Variants in VAT1L observed in about 807,000 individuals in gnomAD.
The protein encoded by VAT1L is vesicle amine transport 1 like, also known as putative NADPH-dependent quinone oxidoreductase VAT1L.
VAT1L carries 34 observed loss-of-function variants against 44.1 expected under a neutral mutation model. That is an observed-to-expected ratio of 0.77 (90% CI 0.59 to 1.03). The LOEUF (loss-of-function observed/expected upper bound fraction) is 1.03. VAT1L is among the 50% of genes least tolerant of loss of function. The pLI, the probability that VAT1L is intolerant of heterozygous loss-of-function variation, is 0.00. For synonymous variants in VAT1L, 253 were observed against 202.2 expected, an observed-to-expected ratio of 1.25 and a Z score of -2.13; for missense variants, 615 against 538.8, an observed-to-expected ratio of 1.14 and a Z score of -1.40.
At chr16:77,893,127 C>A (rs985099267) in intron 7 of VAT1L, among the ~76,000 whole-genome samples, 3 of 151,992 alleles carry the variant, frequency 2.0e-5, no homozygotes, top group African/African-American at 7.3e-5. Context: ...ATAACAACAA[C>A]AAAAAAAGCC....
rs781251007 is a variant in VAT1L, at chr16:77,971,970, C to T, written c.1161+37C>T. On this transcript the variant is annotated intron_variant, in intron 8 of 8. Transcript: ENST00000302536. ...GCAGAGGAGTCTGTTCAGTTCCACG[C>T]GAGAGAGCACCACGGGTCAATCAGA... 8 of 1,587,228 alleles carry T rather than the reference C, an allele frequency of 5.0e-6. No individual in the cohort carries two copies. In the East Asian group the frequency reaches 9.0e-5, roughly 18 times the overall value.
chr16:77,886,316 T>A (rs2017209024), intron 7 of VAT1L, among the ~76,000 whole-genome samples: 1 of 152,172 alleles, frequency 6.6e-6, no homozygotes, highest in South Asian at 2.1e-4. Flanking sequence ...AGGGCTGGGC[T>A]ACCTGGTTAC....
In VAT1L at chr16:77,800,705, G is replaced by T. The variant is rs569108521; in HGVS notation, c.233+11790G>T. ...AAATCAGGCTCCCTGCCTGCGCTGTGGCACATTTTCCCCCCAGTGCAGGTT... is the reference window on the plus strand; with the variant it reads ...AAATCAGGCTCCCTGCCTGCGCTGTTGCACATTTTCCCCCCAGTGCAGGTT... On this transcript the variant is annotated intron_variant, in intron 1 of 8. Transcript: ENST00000302536. 12 of 152,198 alleles carry T rather than the reference G, an allele frequency of 7.9e-5. No homozygotes were observed. The South Asian group carries it at 2.5e-3, about 32-fold the overall frequency. 9.4% of individuals were successfully genotyped at this position (152,198 alleles called of 1,614,324 possible). A position where few individuals can be genotyped will look rare whatever the true frequency, so the allele number is the denominator to read the frequency against.
At chr16:77,857,113 A>C (rs2016866991) in intron 3 of VAT1L, among the ~76,000 whole-genome samples, 1 of 152,220 alleles carries the variant, frequency 6.6e-6, no homozygotes, top group Non-Finnish European at 1.5e-5. Flanking sequence ...TGTGGTGCAG[A>C]ATTCTTACGT....
chr16:77,792,972 G>T (rs149272440), intron 1 of VAT1L, among the ~76,000 whole-genome samples: 1 of 152,058 alleles, frequency 6.6e-6, no homozygotes, highest in African/African-American at 2.4e-5. Flanking sequence ...TTTGGTTGCC[G>T]TATAAACTTT....
Position 77,879,540 on chromosome 16 carries a change from C to T in VAT1L, c.882+316C>T, listed in dbSNP as rs907649617. Among the ~76,000 whole-genome samples the T allele has an allele frequency of 1.5e-4, 23 of 152,244 alleles. No individual in the cohort carries two copies. The highest frequency in any genetic ancestry group is 2.0e-4 in the Admixed American group (3 of 15,290). The stretch of plus-strand genomic sequence containing the variant: ...TGACCTCGTGATCTGCCCGCCTCAG[C>T]CTCCCAAAGTGCTGGGATTACAGGC... On this transcript the variant is annotated intron_variant, in intron 6 of 8. Coordinates refer to ENST00000302536, the MANE Select transcript of VAT1L (RefSeq NM_020927.3). This position sits in a 1 kb window ranked among gnomAD's most constrained non-coding sequence, Gnocchi z 4.1.
chr16:77,862,623 TAAAAAAA>T (rs34096024), intron 3 of VAT1L, 118 bp from the exon 4 acceptor site: 25 of 396,546 alleles, frequency 6.3e-5, no homozygotes, highest in Non-Finnish European at 8.2e-5. Flanking sequence ...ACTCCATCTC[TAAAAAAA>T]AAAAAAAAAA....
At chr16:77,864,421 G>T (rs555498787) in intron 4 of VAT1L, among the ~76,000 whole-genome samples, 12 of 151,748 alleles carry the variant, frequency 7.9e-5, no homozygotes, top group African/African-American at 2.2e-4. Context: ...AGTGAAGCTC[G>T]ATCTCTACCT....
chr16:77,886,667 C>T (rs1466485147), intron 7 of VAT1L, among the ~76,000 whole-genome samples: 2 of 152,162 alleles, frequency 1.3e-5, no homozygotes, highest in African/African-American at 2.4e-5. Flanking sequence ...AGTTTTCATT[C>T]AGAGGAGTAG....
chr16:77,843,555 T>G (rs1380312146), intron 3 of VAT1L, among the ~76,000 whole-genome samples: 1 of 152,166 alleles, frequency 6.6e-6, no homozygotes, highest in Non-Finnish European at 1.5e-5. Context: ...TTTGAGTTGA[T>G]TAGGAGACAC....
chr16:77,942,892 C>T (rs1218577178), intron 7 of VAT1L, among the ~76,000 whole-genome samples: 9 of 141,162 alleles, frequency 6.4e-5, no homozygotes, highest in African/African-American at 1.1e-4. Context: ...TTACAGGCAC[C>T]CACCATCACA....
chr16:77,942,079 C>G (rs1444881806), intron 7 of VAT1L, among the ~76,000 whole-genome samples: 1 of 152,012 alleles, frequency 6.6e-6, no homozygotes, highest in African/African-American at 2.4e-5. Flanking sequence ...TGTATTAGTC[C>G]ATTTTCACAC....
intron 3 of VAT1L, among the ~76,000 whole-genome samples, chr16:77,855,767 C>G (rs866710904): frequency 1.3e-5 from 2 of 152,196 alleles, no homozygotes; most frequent in South Asian, 4.1e-4. Context: ...CTCCTGTAAT[C>G]CCAGCACTTT....
At chr16:77,963,479 G>A (rs2018186645) in intron 7 of VAT1L, among the ~76,000 whole-genome samples, 1 of 152,156 alleles carries the variant, frequency 6.6e-6, no homozygotes, top group Non-Finnish European at 1.5e-5. Context: ...GAGCCTTGAT[G>A]TTAACCCTGT....
At chr16:77,911,953 C>T (rs1403722568) in intron 7 of VAT1L, among the ~76,000 whole-genome samples, 1 of 152,154 alleles carries the variant, frequency 6.6e-6, no homozygotes, top group East Asian at 1.9e-4. Flanking sequence ...TGATTTATGT[C>T]CACTGAATAT....
At chr16:77,836,574 C>T (rs1050966892) in intron 3 of VAT1L, among the ~76,000 whole-genome samples, 4 of 152,202 alleles carry the variant, frequency 2.6e-5, no homozygotes, top group African/African-American at 9.7e-5. Context: ...AGAGACATTT[C>T]TGAGATATGT....
rs567456096 is a variant in VAT1L, at chr16:77,891,013, C to T, written c.1077+6211C>T. ...CTCTCCAGTACGGTACCACTGGTCACATATGGCTATTTAAATTTAAGCTAA... is the reference window on the plus strand; with the variant it reads ...CTCTCCAGTACGGTACCACTGGTCATATATGGCTATTTAAATTTAAGCTAA... On this transcript the variant is annotated intron_variant, in intron 7 of 8. Transcript: ENST00000302536. Among the ~76,000 whole-genome samples, 96 of 151,868 alleles carry T rather than the reference C, an allele frequency of 6.3e-4. 1 individual carries two copies. The highest frequency in any genetic ancestry group is 2.3e-3 in the African/African-American group (95 of 41,404).
At chr16:77,875,949 C>T (rs979600855) in intron 4 of VAT1L, among the ~76,000 whole-genome samples, 3 of 149,312 alleles carry the variant, frequency 2.0e-5, no homozygotes, top group Non-Finnish European at 4.5e-5. Context: ...AGGCAACTAA[C>T]CCTTGCTCTA....
chr16:77,937,117 A>C (rs1365976760), intron 7 of VAT1L, among the ~76,000 whole-genome samples: 2 of 152,070 alleles, frequency 1.3e-5, no homozygotes, highest in African/African-American at 4.8e-5. Flanking sequence ...TCTTAGCCTC[A>C]TGATCTGCCC....
Sources: gnomAD v4.1 joint callset for allele counts (sites outside exome capture counted in the v4.1 genomes callset) on GRCh38, gnomAD v4.1.1 for gene constraint, Gnocchi (gnomAD v3.1) non-coding constraint, MANE v1.5 for transcripts, NCBI Gene and HGNC (gene_info 2026-07-23, HGNC 2026-07-21) for gene names.